RPS6KC1: variants seen among roughly 807,000 people sequenced by gnomAD.
RPS6KC1 encodes the protein inactive ribosomal protein S6 kinase delta-1.
A neutral mutation model predicts 103.8 loss-of-function variants in RPS6KC1; 54 were observed. The ratio of observed to expected loss-of-function variants is 0.52; its 90% CI spans 0.42 to 0.65. The LOEUF is 0.65. RPS6KC1 is among the 30% of genes least tolerant of loss of function. The probability of loss-of-function intolerance (pLI) is 0.00; values close to 1 mark genes in which losing one functional copy is unlikely to be tolerated. For synonymous variants in RPS6KC1, 439 were observed against 438.7 expected, an observed-to-expected ratio of 1.00 and a Z score of -0.01; for missense variants, 1,151 against 1,253.8, an observed-to-expected ratio of 0.92 and a Z score of 1.24.
At chr1:213,562,452 C>A in the RPS6KC1 span, among the ~76,000 whole-genome samples, 1 of 122,492 alleles carries the variant, frequency 8.2e-6, no homozygotes, top group Non-Finnish European at 1.6e-5. Flanking sequence ...TGCAGTGGTG[C>A]GATCTCGGCT....
At chr1:213,598,873 A>T in the RPS6KC1 span, among the ~76,000 whole-genome samples, 1 of 152,178 alleles carries the variant, frequency 6.6e-6, no homozygotes. Context: ...GTGAGCCGAG[A>T]TTGTGCCACT....
chr1:213,527,604 C>T, the RPS6KC1 span, among the ~76,000 whole-genome samples: 4 of 152,144 alleles, frequency 2.6e-5, no homozygotes, highest in Non-Finnish European at 4.4e-5. Context: ...GAACAAAATT[C>T]CCAGAACATT....
chr1:213,746,499 T>A, the RPS6KC1 span, among the ~76,000 whole-genome samples: 1 of 152,340 alleles, frequency 6.6e-6, no homozygotes, highest in South Asian at 2.1e-4. Context: ...TCTGAGGGGC[T>A]GAATTCTGTA....
At chr1:213,230,268 T>C (rs2094060666) in intron 8 of RPS6KC1, among the ~76,000 whole-genome samples, 2 of 152,172 alleles carry the variant, frequency 1.3e-5, no homozygotes. Flanking sequence ...GAAACAGTAA[T>C]GTTTCTAAAA....
the RPS6KC1 span, among the ~76,000 whole-genome samples, chr1:213,625,676 G>A: frequency 2.0e-4 from 30 of 152,246 alleles, no homozygotes; most frequent in South Asian, 1.0e-3. Flanking sequence ...GAGAACATGC[G>A]GTGTTTGGTT....
intron 6 of RPS6KC1, among the ~76,000 whole-genome samples, chr1:213,164,491 T>A (rs2090772791): frequency 6.6e-6 from 1 of 152,200 alleles, no homozygotes; most frequent in Non-Finnish European, 1.5e-5. Context: ...CATTAAGACA[T>A]CTCTTATGAT....
chr1:213,381,319 C>A, the RPS6KC1 span, among the ~76,000 whole-genome samples: 1 of 152,102 alleles, frequency 6.6e-6, no homozygotes, highest in Non-Finnish European at 1.5e-5. Context: ...TCCTTCTTTT[C>A]TTTGCTCCCT....
chr1:213,182,521 A>C (rs1403726883), intron 8 of RPS6KC1, among the ~76,000 whole-genome samples: 3 of 151,988 alleles, frequency 2.0e-5, no homozygotes, highest in Admixed American at 6.6e-5. Flanking sequence ...AGATAAACCA[A>C]AATGGAATTC....
the RPS6KC1 span, among the ~76,000 whole-genome samples, chr1:213,491,488 A>C: frequency 0.31 from 47,420 of 151,938 alleles, 7,521 homozygotes; most frequent in Middle Eastern, 0.42. Flanking sequence ...GCAGAGATTG[A>C]AGTGAGCTGA....
At chr1:213,446,655 C>T in the RPS6KC1 span, among the ~76,000 whole-genome samples, 10 of 152,284 alleles carry the variant, frequency 6.6e-5, no homozygotes, top group East Asian at 5.8e-4. Flanking sequence ...CCTATAGCCT[C>T]GCCAAGTTGA....
At chr1:213,338,276 C>T in the RPS6KC1 span, among the ~76,000 whole-genome samples, 184 of 152,336 alleles carry the variant, frequency 1.2e-3, no homozygotes, top group African/African-American at 3.8e-3. Flanking sequence ...CACTACACCA[C>T]GGGGCCTGGA....
intron 12 of RPS6KC1, among the ~76,000 whole-genome samples, chr1:213,254,078 A>G (rs1244062290): frequency 1.3e-5 from 2 of 152,222 alleles, no homozygotes; most frequent in African/African-American, 4.8e-5. Flanking sequence ...GGTGTTAAAC[A>G]TGAGTAAAGC....
the RPS6KC1 span, among the ~76,000 whole-genome samples, chr1:213,394,000 A>G: frequency 1.7e-3 from 253 of 152,276 alleles, 1 homozygote; most frequent in Admixed American, 3.3e-3. Flanking sequence ...ACAGCCGAAG[A>G]CAGATGTAAT....
intron 4 of RPS6KC1, among the ~76,000 whole-genome samples, chr1:213,106,544 T>G (rs2082520266): frequency 1.3e-5 from 2 of 152,160 alleles, no homozygotes; most frequent in Admixed American, 1.3e-4. Flanking sequence ...ACTCTTAGCT[T>G]TCTAGTTCTG....
the RPS6KC1 span, among the ~76,000 whole-genome samples, chr1:213,739,038 T>A: frequency 6.6e-6 from 1 of 152,060 alleles, no homozygotes; most frequent in South Asian, 2.1e-4. Flanking sequence ...AGAATACAGT[T>A]GACTGTTGAA....
At chr1:213,797,257 T>C in the RPS6KC1 span, among the ~76,000 whole-genome samples, 1 of 152,268 alleles carries the variant, frequency 6.6e-6, no homozygotes, top group East Asian at 1.9e-4. Context: ...TGAAGTAAAC[T>C]GTTTCATGTA....
At chr1:213,062,851 G>A (rs1048713409) in intron 1 of RPS6KC1, among the ~76,000 whole-genome samples, 1 of 151,968 alleles carries the variant, frequency 6.6e-6, no homozygotes, top group African/African-American at 2.4e-5. Flanking sequence ...TCGCATCCGG[G>A]CAAGAGAGTG....
chr1:213,240,051 C>T (rs547335951), intron 10 of RPS6KC1, among the ~76,000 whole-genome samples: 3 of 152,002 alleles, frequency 2.0e-5, no homozygotes, highest in Admixed American at 6.6e-5. Context: ...AATACACAGT[C>T]GGAATTTCCG....
the RPS6KC1 span, among the ~76,000 whole-genome samples, chr1:213,672,655 T>C: frequency 1.3e-5 from 2 of 152,204 alleles, no homozygotes; most frequent in Non-Finnish European, 2.9e-5. Context: ...TCTTTTATCA[T>C]CTAGCCTTAT....
Sources: allele counts gnomAD v4.1 joint callset (sites outside exome capture counted in the v4.1 genomes callset), GRCh38; gene constraint gnomAD v4.1.1; transcripts MANE v1.5; gene names NCBI Gene and HGNC (gene_info 2026-07-23, HGNC 2026-07-21).